MEF2C: variants seen among roughly 807,000 people sequenced by gnomAD.
MEF2C encodes the protein myocyte-specific enhancer factor 2C.
A neutral mutation model predicts 50.5 loss-of-function variants in MEF2C; 6 were observed. The ratio of observed to expected loss-of-function variants is 0.12; its 90% CI spans 0.07 to 0.23. The LOEUF (loss-of-function observed/expected upper bound fraction) is 0.23, where lower values mean the gene tolerates loss of function less well. Ranked by LOEUF, MEF2C falls within the 10% of genes least tolerant of loss-of-function variation. The pLI is 1.00. For missense variants in MEF2C, 276 were observed against 605.0 expected (o/e 0.46, Z 5.70); for synonymous variants, 183 against 228.0 (o/e 0.80, Z 1.78).
chr5:88,810,278 A>G (rs1315266500), intron 2 of MEF2C, among the ~76,000 whole-genome samples: 1 of 152,162 alleles, frequency 6.6e-6, no homozygotes, highest in East Asian at 1.9e-4. Context: ...CTTAAGATAA[A>G]GTAATTACAC....
chr5:88,757,802 G>T (rs1776037663), intron 4 of MEF2C, among the ~76,000 whole-genome samples: 1 of 152,144 alleles, frequency 6.6e-6, no homozygotes, highest in African/African-American at 2.4e-5. Context: ...TGTAGTCCCA[G>T]CTACTTGGGA....
intron 3 of MEF2C, among the ~76,000 whole-genome samples, chr5:88,781,747 G>A (rs1028094250): frequency 2.6e-5 from 4 of 152,128 alleles, no homozygotes; most frequent in Admixed American, 2.0e-4. Context: ...CGAGGCAAGC[G>A]GACCACTTGA....
intron 2 of MEF2C, among the ~76,000 whole-genome samples, chr5:88,823,489 A>G (rs1809431268): frequency 6.6e-6 from 1 of 151,898 alleles, no homozygotes; most frequent in African/African-American, 2.4e-5. Context: ...TACACTTCCC[A>G]TTTCAAATTT....
At chr5:88,882,003 C>T (rs557193658) in intron 1 of MEF2C, among the ~76,000 whole-genome samples, 15 of 152,172 alleles carry the variant, frequency 9.9e-5, no homozygotes, top group Admixed American at 9.2e-4. Context: ...CAAAAAAAGG[C>T]TCTCCCCAAA....
chr5:88,885,232 G>A (rs556793712), upstream of MEF2C, among the ~76,000 whole-genome samples: 1 of 152,306 alleles, frequency 6.6e-6, no homozygotes, highest in African/African-American at 2.4e-5. Context: ...CTGCTTCAAT[G>A]TAGGAGGTAT....
chr5:88,778,924 G>A (rs902779773), intron 3 of MEF2C, among the ~76,000 whole-genome samples: 4 of 152,200 alleles, frequency 2.6e-5, no homozygotes, highest in African/African-American at 7.2e-5. Flanking sequence ...CTGACTCAGC[G>A]GAGAAAATGC....
intron 3 of MEF2C, chr5:88,772,924 G>A: frequency 1.0e-6 from 1 of 985,362 alleles, no homozygotes; most frequent in Non-Finnish European, 1.2e-6. Flanking sequence ...CTGAGCTTGT[G>A]ATATGCCATC....
At chr5:88,723,899 A>G (rs1198744885) in intron 10 of MEF2C, among the ~76,000 whole-genome samples, 3 of 152,212 alleles carry the variant, frequency 2.0e-5, no homozygotes, top group Non-Finnish European at 4.4e-5. Context: ...ATCTGGGAAA[A>G]TTTAGAAACT....
At chr5:88,734,434 G>T (rs1165993218) in intron 6 of MEF2C, 1 of 985,182 alleles carries the variant, frequency 1.0e-6, no homozygotes, top group Non-Finnish European at 1.2e-6. Context: ...GCCGATACTG[G>T]TTTGCATGGA....
rs1289639547 is a variant in MEF2C, at chr5:88,736,351, G to C, written c.638-4450C>G. The C allele has an allele frequency of 2.9e-5, 2 of 69,612 alleles. 1 individual carries two copies. The highest frequency in any genetic ancestry group is 3.3e-4 in the Admixed American group (2 of 6,106). The allele number at this position is 69,612 out of a possible 1,614,324, so 4.3% of individuals were successfully genotyped here. A position where few individuals can be genotyped will look rare whatever the true frequency, so the allele number is the denominator to read the frequency against. On this transcript the variant is annotated intron_variant, in intron 6 of 10. Coordinates refer to ENST00000504921, the MANE Select transcript of MEF2C (RefSeq NM_002397.5). ...CTACTAAAAATACAAAAAATTAGCC[G>C]GGCGCGGTGGCGGGCGCCTGTAGTC... is the stretch of plus-strand genomic sequence containing the variant.
intron 6 of MEF2C, chr5:88,735,768 T>A: frequency 1.0e-6 from 1 of 985,342 alleles, no homozygotes; most frequent in Non-Finnish European, 1.2e-6. Context: ...TTTTAAGAAG[T>A]CGTAAATTCA....
intron 4 of MEF2C, among the ~76,000 whole-genome samples, 188 bp from the exon 5 acceptor site, chr5:88,752,231 CCTT>C (rs1209517536): frequency 6.6e-6 from 1 of 152,318 alleles, no homozygotes; most frequent in East Asian, 1.9e-4. Flanking sequence ...GCTTAGAACT[CCTT>C]CTTTGCAACC....
chr5:88,748,972 C>G, intron 6 of MEF2C, 98 bp downstream of exon 6: 3 of 1,545,772 alleles, frequency 1.9e-6, no homozygotes, highest in Non-Finnish European at 2.6e-6. Context: ...TCTCACAGAT[C>G]TCTTAACTTT....
intron 1 of MEF2C, among the ~76,000 whole-genome samples, chr5:88,831,246 A>T (rs1812885671): frequency 6.6e-6 from 1 of 152,094 alleles, no homozygotes; most frequent in Non-Finnish European, 1.5e-5. Flanking sequence ...ATGGAAAAAC[A>T]CATTTTAGTC....
intron 1 of MEF2C, among the ~76,000 whole-genome samples, chr5:88,844,870 G>C (rs1317224182): frequency 6.6e-6 from 1 of 152,078 alleles, no homozygotes; most frequent in Non-Finnish European, 1.5e-5. Flanking sequence ...ACAATGAATT[G>C]GAAAAATGTG....
At chr5:88,790,903 C>T (rs571639509) in intron 3 of MEF2C, among the ~76,000 whole-genome samples, 22 of 152,184 alleles carry the variant, frequency 1.4e-4, no homozygotes, top group African/African-American at 3.9e-4. Flanking sequence ...CAAAAACAAA[C>T]CCCCCAAAAC....
chr5:88,868,943 C>T lies in MEF2C; in HGVS notation c.-143+14012G>A, dbSNP rs769346420. On this transcript the variant is annotated intron_variant, in intron 1 of 10. Coordinates refer to ENST00000504921, the MANE Select transcript of MEF2C (RefSeq NM_002397.5). The stretch of plus-strand genomic sequence containing the variant: ...TTATAAAATCAACTTACAATAGGCA[C>T]GTATACATTATAATATTTGATATAA... Among the ~76,000 whole-genome samples, 160 of 151,982 alleles carry T rather than the reference C, an allele frequency of 1.1e-3. 1 individual carries two copies. The Middle Eastern group carries it at 0.017, about 16-fold the overall frequency.
intron 1 of MEF2C, among the ~76,000 whole-genome samples, chr5:88,881,678 C>G (rs868757171): frequency 6.6e-6 from 1 of 150,988 alleles, no homozygotes; most frequent in Admixed American, 6.6e-5. Context: ...CATCTTTACT[C>G]TGCAACCACA....
chr5:88,733,400 A>G (rs749591929), intron 6 of MEF2C: 237 of 985,170 alleles, frequency 2.4e-4, no homozygotes, highest in Non-Finnish European at 2.8e-4. Flanking sequence ...TTGGGTTTAT[A>G]TGGTGGAAAT....
Sources: gnomAD v4.1 joint callset for allele counts (sites outside exome capture counted in the v4.1 genomes callset) on GRCh38, gnomAD v4.1.1 for gene constraint, MANE v1.5 for transcripts, NCBI Gene and HGNC (gene_info 2026-07-23, HGNC 2026-07-21) for gene names.